Variants in EGFLAM observed in about 807,000 individuals in gnomAD.
The protein encoded by EGFLAM is EGF like, fibronectin type III and laminin G domains.
In EGFLAM, 79 loss-of-function variants were observed where a neutral mutation model predicts 113.1. The ratio of observed to expected loss-of-function variants is 0.70; its 90% CI spans 0.58 to 0.84. The LOEUF (loss-of-function observed/expected upper bound fraction) is 0.84, where lower values mean the gene tolerates loss of function less well. Ranked by LOEUF, EGFLAM falls within the 40% of genes least tolerant of loss-of-function variation. EGFLAM has a pLI of 0.00. For missense variants in EGFLAM, 1,265 were observed against 1,291.6 expected, an observed-to-expected ratio of 0.98 and a Z score of 0.32; for synonymous variants, 504 against 487.6, an observed-to-expected ratio of 1.03 and a Z score of -0.44.
intron 6 of EGFLAM, among the ~76,000 whole-genome samples, chr5:38,388,917 G>GAAAAA (rs770527595): frequency 1.6e-5 from 1 of 61,066 alleles, no homozygotes; most frequent in African/African-American, 5.5e-5. Context: ...CCTGTCTCAA[G>GAAAAA]AAAAAAAAAA....
At chr5:38,451,849 G>T (rs1033507563) in intron 19 of EGFLAM, among the ~76,000 whole-genome samples, 7 of 151,986 alleles carry the variant, frequency 4.6e-5, no homozygotes, top group African/African-American at 1.7e-4. Flanking sequence ...AAAATTAGCC[G>T]GGTGTGGTGG....
intron 1 of EGFLAM, among the ~76,000 whole-genome samples, chr5:38,308,693 T>C (rs1360145431): frequency 6.6e-6 from 1 of 152,224 alleles, no homozygotes; most frequent in Non-Finnish European, 1.5e-5. Context: ...AGGATGATGA[T>C]TGACTCTAGG....
Position 38,438,375 on chromosome 5 carries a change from A to G in EGFLAM, c.2384A>G (p.His795Arg). The change falls in exon 17 of 22, where the codon CAT (histidine) becomes CGT (arginine). Residue 795 changes from histidine (H) to arginine (R), a missense_variant. Physicochemically the swap from His to Arg is conservative, Grantham distance 29. Coordinates refer to ENST00000322350, the MANE Select transcript of EGFLAM (RefSeq NM_152403.4). ...AHPCVRAPCA[H>R]GGSCRPRKEG... ...CCCTGTGTGAGAGCCCCTTGTGCCCATGGGGGCAGCTGCCGGCCCAGGAAG... is the reference window on the plus strand; with the variant it reads ...CCCTGTGTGAGAGCCCCTTGTGCCCGTGGGGGCAGCTGCCGGCCCAGGAAG... 6.2e-7 allele frequency: 1 copy of G among 1,613,990 alleles called. No individual in the cohort carries two copies. The highest frequency in any genetic ancestry group is 8.5e-7 in the Non-Finnish European group (1 of 1,179,958).
intron 7 of EGFLAM, 84 bp downstream of exon 7, chr5:38,406,325 T>A: frequency 8.2e-7 from 1 of 1,221,290 alleles, no homozygotes; most frequent in East Asian, 2.5e-5. Flanking sequence ...ACCATAAACA[T>A]TTTACTTAAA....
intron 1 of EGFLAM, among the ~76,000 whole-genome samples, chr5:38,275,661 C>A (rs1757867516): frequency 6.6e-6 from 1 of 152,138 alleles, no homozygotes; most frequent in Non-Finnish European, 1.5e-5. Flanking sequence ...CATCAATGGG[C>A]AGACAGAAAA....
At chr5:38,369,348 A>C (rs1740147283) in intron 5 of EGFLAM, among the ~76,000 whole-genome samples, 1 of 152,236 alleles carries the variant, frequency 6.6e-6, no homozygotes, top group South Asian at 2.1e-4. Flanking sequence ...CATTTTACAC[A>C]ATAGCACATC....
chr5:38,296,147 T>C (rs1178487293), intron 1 of EGFLAM, among the ~76,000 whole-genome samples: 4 of 151,704 alleles, frequency 2.6e-5, no homozygotes, highest in Non-Finnish European at 5.9e-5. Flanking sequence ...AAAAGGAAAA[T>C]AGGGTCCATA....
intron 1 of EGFLAM, among the ~76,000 whole-genome samples, chr5:38,301,327 T>C (rs1275573545): frequency 6.6e-6 from 1 of 152,082 alleles, no homozygotes; most frequent in Middle Eastern, 3.2e-3. Flanking sequence ...ACCTTGCAAA[T>C]GCTGTTGAGA....
intron 19 of EGFLAM, among the ~76,000 whole-genome samples, chr5:38,456,315 C>T (rs1274953532): frequency 1.3e-5 from 2 of 152,174 alleles, no homozygotes; most frequent in Non-Finnish European, 2.9e-5. Context: ...GGGATCAAGG[C>T]AGGTCCGTTG....
At chr5:38,411,172 G>A (rs968894920) in intron 10 of EGFLAM, among the ~76,000 whole-genome samples, 3 of 152,180 alleles carry the variant, frequency 2.0e-5, no homozygotes, top group Admixed American at 6.5e-5. Context: ...GCTCACACCT[G>A]TAATCCCAGG....
chr5:38,410,466 T>C (rs1741442210), intron 10 of EGFLAM, among the ~76,000 whole-genome samples: 1 of 152,218 alleles, frequency 6.6e-6, no homozygotes, highest in Non-Finnish European at 1.5e-5. Flanking sequence ...GCCTCTTGAC[T>C]GCATCTCACT....
chr5:38,357,864 C>CT (rs796951086), intron 5 of EGFLAM, among the ~76,000 whole-genome samples: 8,059 of 115,710 alleles, frequency 0.07, 278 homozygotes, highest in African/African-American at 0.12. Flanking sequence ...AACAAATTTT[C>CT]TTTTTTTTTT....
At chr5:38,263,105 T>A (rs1351890237) in intron 1 of EGFLAM, among the ~76,000 whole-genome samples, 3 of 151,896 alleles carry the variant, frequency 2.0e-5, no homozygotes, top group Non-Finnish European at 4.4e-5. Flanking sequence ...ATTTAAAAAA[T>A]TTATTTATTT....
At chr5:38,322,776 G>C (rs1738775602) in intron 1 of EGFLAM, among the ~76,000 whole-genome samples, 1 of 152,148 alleles carries the variant, frequency 6.6e-6, no homozygotes, top group South Asian at 2.1e-4. Flanking sequence ...AATTTCAAAG[G>C]GAAGCATGAT....
At chr5:38,310,472 T>A (rs113827756) in intron 1 of EGFLAM, among the ~76,000 whole-genome samples, 1,850 of 152,282 alleles carry the variant, frequency 0.012, 44 homozygotes, top group African/African-American at 0.042. Context: ...GCTCAAAAAC[T>A]GTTAAAATTA....
At chr5:38,300,938 T>C (rs1758560712) in intron 1 of EGFLAM, among the ~76,000 whole-genome samples, 1 of 152,204 alleles carries the variant, frequency 6.6e-6, no homozygotes, top group Non-Finnish European at 1.5e-5. Context: ...ATTTTTAGCC[T>C]GAGCAACTAG....
chr5:38,372,362 C>T (rs1467188535), intron 6 of EGFLAM, among the ~76,000 whole-genome samples: 1 of 152,086 alleles, frequency 6.6e-6, no homozygotes, highest in African/African-American at 2.4e-5. Flanking sequence ...AGGCTGGTCT[C>T]TTTGGCCAGG....
At chr5:38,420,585 A>AC (rs1741789852) in intron 12 of EGFLAM, among the ~76,000 whole-genome samples, 1 of 152,202 alleles carries the variant, frequency 6.6e-6, no homozygotes, top group Non-Finnish European at 1.5e-5. Flanking sequence ...AAGCACTTAG[A>AC]ATAGGGCTTT....
chr5:38,332,266 T>C (rs1001542025), intron 1 of EGFLAM, among the ~76,000 whole-genome samples: 1 of 152,226 alleles, frequency 6.6e-6, no homozygotes, highest in Non-Finnish European at 1.5e-5. Flanking sequence ...TCCATCTTTC[T>C]TTTTTGGTTT....
Sources: allele counts gnomAD v4.1 joint callset (sites outside exome capture counted in the v4.1 genomes callset), GRCh38; gene constraint gnomAD v4.1.1; transcripts MANE v1.5; gene names NCBI Gene and HGNC (gene_info 2026-07-23, HGNC 2026-07-21).